Variants in ATP6V0D1 observed in about 807,000 individuals in gnomAD.
ATP6V0D1 encodes V-type proton ATPase subunit d 1.
A neutral mutation model predicts 39.0 loss-of-function variants in ATP6V0D1; 13 were observed. The observed-to-expected ratio is 0.33, with a 90% CI of 0.22 to 0.53. The LOEUF (loss-of-function observed/expected upper bound fraction) is 0.53, where lower values mean the gene tolerates loss of function less well. ATP6V0D1 is among the 20% of genes least tolerant of loss of function. ATP6V0D1 has a pLI of 0.94. For missense variants in ATP6V0D1, 272 were observed against 470.9 expected (o/e 0.58, Z 3.91); for synonymous variants, 191 against 191.2 (o/e 1.00, Z 0.01).
intron 2 of ATP6V0D1, chr16:67,445,701 GGC>G: frequency 3.0e-6 from 1 of 337,292 alleles, no homozygotes; most frequent in South Asian, 2.2e-5. Flanking sequence ...CAGCAGAGGG[GGC>G]TGTGGAGCTG....
chr16:67,462,632 C>T (rs1299270478), intron 1 of ATP6V0D1, among the ~76,000 whole-genome samples: 1 of 152,152 alleles, frequency 6.6e-6, no homozygotes, highest in Non-Finnish European at 1.5e-5. Context: ...TTGAGACCAG[C>T]CTGGGCAACA....
intron 1 of ATP6V0D1, among the ~76,000 whole-genome samples, chr16:67,477,870 T>G (rs905988271): frequency 6.6e-6 from 1 of 152,112 alleles, no homozygotes; most frequent in African/African-American, 2.4e-5. Flanking sequence ...AGACGGGGTT[T>G]CACCGAGCCA....
intron 1 of ATP6V0D1, among the ~76,000 whole-genome samples, chr16:67,480,198 CAAAAAAAAAA>C (rs5817621): frequency 1.4e-4 from 4 of 29,598 alleles, no homozygotes; most frequent in African/African-American, 1.0e-3. Context: ...GACTCCGTCT[CAAAAAAAAAA>C]AAAAAAAAAA....
intron 1 of ATP6V0D1, among the ~76,000 whole-genome samples, chr16:67,468,850 G>A (rs140519293): frequency 3.3e-5 from 5 of 152,242 alleles, no homozygotes; most frequent in Admixed American, 6.5e-5. Context: ...GCTCCACCTC[G>A]GAAACCAGGC....
chr16:67,480,553 G>A (rs2041460983), intron 1 of ATP6V0D1, among the ~76,000 whole-genome samples: 1 of 152,092 alleles, frequency 6.6e-6, no homozygotes, highest in African/African-American at 2.4e-5. Flanking sequence ...GGCGGGGGGA[G>A]GGGGAAGAGG....
rs375850021 is a variant in ATP6V0D1, at chr16:67,446,595, G to A, written c.303-1889C>T. Among the ~76,000 whole-genome samples the A allele has an allele frequency of 7.9e-5, 12 of 152,238 alleles. No homozygotes were observed. The East Asian group carries it at 1.9e-3, about 24-fold the overall frequency. On this transcript the variant is annotated intron_variant, in intron 2 of 7. Transcript: ENST00000290949. Reference sequence around the variant, plus strand: ...CTTTGGGCCATGGTCTGCAGCTCCAGCCTGCATATTTTCTACCCCGGACAG... The same window carrying A: ...CTTTGGGCCATGGTCTGCAGCTCCAACCTGCATATTTTCTACCCCGGACAG...
At chr16:67,478,333 C>A (rs1028640155) in intron 1 of ATP6V0D1, among the ~76,000 whole-genome samples, 1 of 152,062 alleles carries the variant, frequency 6.6e-6, no homozygotes, top group Non-Finnish European at 1.5e-5. Context: ...GTGTGAATGG[C>A]CAAGCGTGGT....
In ATP6V0D1 at chr16:67,444,827, T is replaced by C; in HGVS notation, c.303-121A>G. ...CCCCTTAACAATGTATGCTGACTCA[T>C]GGGTGCTGCGGATAAGCACCAGTGT... On this transcript the variant is annotated intron_variant, in intron 2 of 7. Transcript: ENST00000290949. This position sits in a 1 kb window ranked among gnomAD's most constrained non-coding sequence, Gnocchi z 4.8. 1.1e-6 allele frequency: 1 copy of C among 937,038 alleles called. No homozygotes were observed. Among genetic ancestry groups the C allele is most frequent in the Non-Finnish European group, 1.5e-6 (1 of 651,576 alleles). 58.0% of individuals were successfully genotyped at this position (937,038 alleles called of 1,614,324 possible). A position where few individuals can be genotyped will look rare whatever the true frequency, so the allele number is the denominator to read the frequency against.
At position 67,474,350 on chromosome 16, in the gene ATP6V0D1, C is replaced by T. The variant is rs77097498; in HGVS notation, c.130+6607G>A. Among the ~76,000 whole-genome samples, 1,008 of 152,340 alleles carry T rather than the reference C, an allele frequency of 6.6e-3. 4 individuals are homozygous for T. Among genetic ancestry groups the T allele is most frequent in the Non-Finnish European group, 0.011 (752 of 68,040 alleles). On this transcript the variant is annotated intron_variant, in intron 1 of 7. Transcript: ENST00000290949. ...GGTCACAAAACCAGTTAAGTGGCTG[C>T]GCTGGGATCAGTCCATCAGTAAGGT...
In ATP6V0D1 at chr16:67,438,473, G is replaced by A. The variant is rs997933140; in HGVS notation, c.*55C>T. The A allele has an allele frequency of 1.9e-3, 2,561 of 1,336,694 alleles. No individual in the cohort carries two copies. The highest frequency in any genetic ancestry group is 2.2e-3 in the Non-Finnish European group (2,091 of 965,956). 82.8% of individuals were successfully genotyped at this position (1,336,694 alleles called of 1,614,324 possible). A position where few individuals can be genotyped will look rare whatever the true frequency, so the allele number is the denominator to read the frequency against. On this transcript the variant is annotated 3_prime_UTR_variant, in exon 8 of 8. Transcript: ENST00000290949. ...CATACACACACACGCACACACACGC[G>A]CACACACACACACACACACACAAAG...
intron 1 of ATP6V0D1, among the ~76,000 whole-genome samples, chr16:67,480,322 C>G (rs937221927): frequency 6.6e-6 from 1 of 152,110 alleles, no homozygotes; most frequent in Non-Finnish European, 1.5e-5. Context: ...GCATCCCCCT[C>G]GCTGAGGGGG....
intron 1 of ATP6V0D1, among the ~76,000 whole-genome samples, chr16:67,473,428 A>C (rs1227612116): frequency 6.6e-6 from 1 of 151,998 alleles, no homozygotes; most frequent in Admixed American, 6.6e-5. Flanking sequence ...AGCTCATTGC[A>C]ACCTCCACCT....
At chr16:67,448,278 G>T (rs1249121586) in intron 2 of ATP6V0D1, among the ~76,000 whole-genome samples, 2 of 138,654 alleles carry the variant, frequency 1.4e-5, no homozygotes, top group Admixed American at 1.3e-4. Flanking sequence ...CTTGAGCCCA[G>T]GAGATCAAGG....
intron 4 of ATP6V0D1, chr16:67,439,590 C>T: frequency 1.7e-6 from 1 of 574,538 alleles, no homozygotes; most frequent in Non-Finnish European, 3.1e-6. Context: ...GCCCACCCGA[C>T]TGTCTGCTTC....
Position 67,444,471 on chromosome 16 carries a change from C to G in ATP6V0D1, c.481+57G>C. The G allele has an allele frequency of 6.5e-7, 1 of 1,532,782 alleles. No homozygotes were observed. The highest frequency in any genetic ancestry group is 8.8e-7 in the Non-Finnish European group (1 of 1,131,740). 94.9% of individuals were successfully genotyped at this position (1,532,782 alleles called of 1,614,324 possible). A position where few individuals can be genotyped will look rare whatever the true frequency, so the allele number is the denominator to read the frequency against. On this transcript the variant is annotated intron_variant, in intron 3 of 7. Transcript: ENST00000290949. This position sits in a 1 kb window ranked among gnomAD's most constrained non-coding sequence, Gnocchi z 4.8. ...CCCCAGCGGGTCCACAAACCCCACC[C>G]TGATGCGCTGATGCTGACACCACTG...
At position 67,444,239 on chromosome 16, in the gene ATP6V0D1, T is replaced by A. The variant is rs2041088842; in HGVS notation, c.481+289A>T. On this transcript the variant is annotated intron_variant, in intron 3 of 7. Coordinates refer to ENST00000290949, the MANE Select transcript of ATP6V0D1 (RefSeq NM_004691.5). This position sits in a 1 kb window ranked among gnomAD's most constrained non-coding sequence, Gnocchi z 4.8. ...GCCTCTCTCACTCTTCTCCATGAGC[T>A]CAGCCCTCCTCTGCACTCTGGGAGA... 6.6e-6 allele frequency among the ~76,000 whole-genome samples: 1 copy of A among 152,172 alleles called. No individual in the cohort carries two copies. Among genetic ancestry groups the A allele is most frequent in the African/African-American group, 2.4e-5 (1 of 41,448 alleles).
At chr16:67,443,957 C>T (rs1400447228) in intron 3 of ATP6V0D1, among the ~76,000 whole-genome samples, 1 of 152,228 alleles carries the variant, frequency 6.6e-6, no homozygotes, top group Non-Finnish European at 1.5e-5. Context: ...GCCTTCTCCT[C>T]GGCCTCCTAA....
intron 1 of ATP6V0D1, chr16:67,457,363 C>T (rs1179952340): frequency 3.0e-6 from 1 of 331,086 alleles, no homozygotes; most frequent in East Asian, 8.2e-5. Context: ...GATCTAGTTT[C>T]CTCCTCTCCT....
chr16:67,477,985 G>C (rs2041430584), intron 1 of ATP6V0D1, among the ~76,000 whole-genome samples: 1 of 152,152 alleles, frequency 6.6e-6, no homozygotes, highest in South Asian at 2.1e-4. Context: ...CAGTTTTAAA[G>C]AGAAAAGAGG....
Sources: allele counts gnomAD v4.1 joint callset (sites outside exome capture counted in the v4.1 genomes callset), GRCh38; gene constraint gnomAD v4.1.1; non-coding constraint Gnocchi (gnomAD v3.1); transcripts MANE v1.5; gene names NCBI Gene and HGNC (gene_info 2026-07-23, HGNC 2026-07-21).